The following DNAJC6 variants were observed in gnomAD, a reference collection of about 807,000 sequenced individuals.
DNAJC6 encodes auxilin.
Under a neutral mutation model 110.0 loss-of-function variants are expected in DNAJC6, and 34 were observed. The observed-to-expected ratio is 0.31, with a 90% CI of 0.24 to 0.41. The LOEUF (loss-of-function observed/expected upper bound fraction) is 0.41. DNAJC6 is among the 10% of genes least tolerant of loss of function. The pLI, the probability that DNAJC6 is intolerant of heterozygous loss-of-function variation, is 1.00. For missense variants in DNAJC6, 1,031 were observed against 1,207.8 expected (o/e 0.85, Z 2.17); for synonymous variants, 406 against 437.2 (o/e 0.93, Z 0.89).
intron 1 of DNAJC6, among the ~76,000 whole-genome samples, chr1:65,334,264 G>T (rs1248922062): frequency 6.6e-6 from 1 of 152,244 alleles, no homozygotes; most frequent in Non-Finnish European, 1.5e-5. Flanking sequence ...GCAAGGTGGT[G>T]AATAATGTGA....
intron 1 of DNAJC6, among the ~76,000 whole-genome samples, chr1:65,267,681 C>CAGAG (rs554295468): frequency 6.6e-6 from 1 of 151,124 alleles, no homozygotes; most frequent in Non-Finnish European, 1.5e-5. Context: ...TATATACAGA[C>CAGAG]AGAGAGAGAG....
chr1:65,276,479 G>A (rs892858899), intron 1 of DNAJC6, among the ~76,000 whole-genome samples: 4 of 152,114 alleles, frequency 2.6e-5, no homozygotes, highest in African/African-American at 9.7e-5. Flanking sequence ...CAGGCACTCA[G>A]TCTAATTAAG....
chr1:65,308,563 C>T (rs1024403986), upstream of DNAJC6, among the ~76,000 whole-genome samples: 10 of 152,118 alleles, frequency 6.6e-5, no homozygotes, highest in African/African-American at 1.4e-4. Flanking sequence ...TAAGAATACA[C>T]GATGACAGAT....
At chr1:65,289,286 T>G (rs930723596) in intron 1 of DNAJC6, among the ~76,000 whole-genome samples, 1 of 152,048 alleles carries the variant, frequency 6.6e-6, no homozygotes, top group African/African-American at 2.4e-5. Flanking sequence ...ACCTCCACTT[T>G]CCAGGTTCAA....
Position 65,366,054 on chromosome 1 carries a change from C to T in DNAJC6, c.401C>T (p.Ser134Phe), listed in dbSNP as rs1226853857. 2 of 1,613,680 alleles carry T rather than the reference C, an allele frequency of 1.2e-6. No homozygotes were observed. The highest frequency in any genetic ancestry group is 3.3e-5 in the Admixed American group (2 of 59,980). ...TGTGTGATCTCTCTCCTAGTGATGT[C>T]CTTTCCTCTGGACAATGTTGACATA... The part of the protein sequence containing the change: ...TYVTSRIIVM[S>F]FPLDNVDIGF... Residue 134 changes from serine (S) to phenylalanine (F), a missense_variant, in exon 4 of 19, where the codon TCC (serine) becomes TTC (phenylalanine). Ser to Phe is a radical substitution (Grantham distance 155, BLOSUM62 -2). Coordinates refer to ENST00000371069, the MANE Select transcript of DNAJC6 (RefSeq NM_001256864.2).
At chr1:65,348,877 T>C (rs1645461310) in intron 1 of DNAJC6, among the ~76,000 whole-genome samples, 2 of 149,108 alleles carry the variant, frequency 1.3e-5, no homozygotes, top group South Asian at 4.2e-4. Flanking sequence ...TATTTTAATA[T>C]GAAATTTTAA....
At chr1:65,331,070 G>A (rs1053687612) in intron 1 of DNAJC6, among the ~76,000 whole-genome samples, 13 of 152,316 alleles carry the variant, frequency 8.5e-5, no homozygotes, top group African/African-American at 2.9e-4. Flanking sequence ...GGGAAATGTA[G>A]TCTTTTATTC....
intron 1 of DNAJC6, among the ~76,000 whole-genome samples, chr1:65,285,912 C>T (rs1172617188): frequency 1.3e-5 from 2 of 152,170 alleles, no homozygotes; most frequent in Non-Finnish European, 2.9e-5. Flanking sequence ...CTCGAGTGAT[C>T]TGCCCGCCTC....
intron 1 of DNAJC6, among the ~76,000 whole-genome samples, chr1:65,280,158 A>G (rs1194990795): frequency 1.3e-5 from 2 of 152,238 alleles, no homozygotes; most frequent in Non-Finnish European, 2.9e-5. Flanking sequence ...TTTAAAATGT[A>G]TATATACTCT....
At chr1:65,357,245 G>C (rs1381158186) in intron 1 of DNAJC6, among the ~76,000 whole-genome samples, 3 of 152,056 alleles carry the variant, frequency 2.0e-5, no homozygotes, top group African/African-American at 7.2e-5. Flanking sequence ...AATGCCCACT[G>C]GTGAATGGGA....
chr1:65,399,978 C>T (rs1050794821), intron 14 of DNAJC6, among the ~76,000 whole-genome samples: 2 of 152,044 alleles, frequency 1.3e-5, no homozygotes, highest in African/African-American at 4.8e-5. Flanking sequence ...GCCAGGAGTT[C>T]ATGACCAGTC....
At chr1:65,373,438 C>T (rs894071309) in intron 4 of DNAJC6, among the ~76,000 whole-genome samples, 1 of 152,118 alleles carries the variant, frequency 6.6e-6, no homozygotes, top group Non-Finnish European at 1.5e-5. Context: ...TTTTCACCAG[C>T]ATCTGGTATT....
At chr1:65,349,103 A>AT (rs1645466507) in intron 1 of DNAJC6, among the ~76,000 whole-genome samples, 1 of 107,566 alleles carries the variant, frequency 9.3e-6, no homozygotes, top group South Asian at 3.1e-4. Context: ...TATATATATA[A>AT]ATAAATATGT....
chr1:65,360,934 G>C (rs1249542375), intron 1 of DNAJC6, among the ~76,000 whole-genome samples: 2 of 152,168 alleles, frequency 1.3e-5, no homozygotes, highest in Non-Finnish European at 2.9e-5. Context: ...AGGTGGAGGA[G>C]AGCAGGGAAT....
intron 4 of DNAJC6, among the ~76,000 whole-genome samples, chr1:65,366,513 G>A (rs1435742272): frequency 2.6e-5 from 4 of 152,200 alleles, no homozygotes; most frequent in Non-Finnish European, 5.9e-5. Flanking sequence ...TGCTAGGGCA[G>A]TTGGCTGCCT....
chr1:65,411,568 A>T, intron 18 of DNAJC6, 142 bp downstream of exon 18: 1 of 749,918 alleles, frequency 1.3e-6, no homozygotes, highest in South Asian at 2.2e-5. Context: ...AGATATTTAA[A>T]CAAATAGTTA....
intron 1 of DNAJC6, among the ~76,000 whole-genome samples, chr1:65,335,694 G>A (rs1286517527): frequency 2.6e-5 from 4 of 152,164 alleles, no homozygotes; most frequent in African/African-American, 9.7e-5. Flanking sequence ...CAGCAAAGAC[G>A]CAGGGAGAAA....
intron 1 of DNAJC6, among the ~76,000 whole-genome samples, chr1:65,358,122 T>A (rs1283995100): frequency 7.5e-6 from 1 of 134,082 alleles, no homozygotes; most frequent in African/African-American, 2.9e-5. Flanking sequence ...GAGGTTGCAG[T>A]GAGCTGAGAT....
intron 1 of DNAJC6, among the ~76,000 whole-genome samples, chr1:65,357,796 G>T (rs540867049): frequency 6.6e-5 from 10 of 152,312 alleles, no homozygotes; most frequent in Non-Finnish European, 1.2e-4. Flanking sequence ...GAGGAAGGAG[G>T]TCTCTACAGC....
Sources: allele counts gnomAD v4.1 joint callset (sites outside exome capture counted in the v4.1 genomes callset), GRCh38; gene constraint gnomAD v4.1.1; transcripts MANE v1.5; gene names NCBI Gene and HGNC (gene_info 2026-07-23, HGNC 2026-07-21).